Variants in EXOSC10 observed in about 807,000 individuals in gnomAD.
EXOSC10 encodes the protein exosome component 10.
A neutral mutation model predicts 126.6 loss-of-function variants in EXOSC10; 94 were observed. The ratio of observed to expected loss-of-function variants is 0.74; its 90% CI spans 0.63 to 0.88. The LOEUF (loss-of-function observed/expected upper bound fraction) is 0.88, where lower values mean the gene tolerates loss of function less well. EXOSC10 is among the 40% of genes least tolerant of loss of function. EXOSC10 has a pLI of 0.00. For missense variants in EXOSC10, 1,041 were observed against 1,100.5 expected, an observed-to-expected ratio of 0.95 and a Z score of 0.77; for synonymous variants, 395 against 400.8, an observed-to-expected ratio of 0.99 and a Z score of 0.17.
Position 11,076,939 on chromosome 1 carries a change from G to A in EXOSC10, c.1889C>T (p.Pro630Leu), listed in dbSNP as rs756900921. 20 of 1,613,184 alleles carry A rather than the reference G, an allele frequency of 1.2e-5. No individual in the cohort carries two copies. Among genetic ancestry groups the A allele is most frequent in the East Asian group, 2.2e-5 (1 of 44,898 alleles). ...YPIIPTSGSV[P>L]VQKQASLFPD... ...GAAGAGGCTCGCCTGCTTCTGAACT[G>A]GCACAGATCCTAGAGGAGCAGAAGA... is the stretch of plus-strand genomic sequence containing the variant. The change falls in exon 17 of 25, where the codon CCA (proline) becomes CTA (leucine). Residue 630 changes from proline (P) to leucine (L), a missense_variant. This residue lies in a region of EXOSC10 where 388 missense variants were observed against 415.2 expected (regional missense o/e 0.93). Transcript: ENST00000376936.
chr1:11,099,767 C>T lies in EXOSC10; in HGVS notation c.65G>A (p.Gly22Glu), dbSNP rs1235649896. The change falls in exon 1 of 25, where the codon GGA becomes GAA. Residue 22 changes from glycine to glutamate, a missense_variant. This residue lies in a region of EXOSC10 where 645 missense variants were observed against 656.3 expected (regional missense o/e 0.98). Coordinates refer to ENST00000376936, the MANE Select transcript of EXOSC10 (RefSeq NM_001001998.3). ...LSATSATKSD[G>E]EMVLPGFPDA... is the part of the protein sequence containing the mutation. Reference sequence around the variant, plus strand: ...CGGGAAGCCTGGCAGCACCATCTCTCCGTCGGATTTGGTTGCGCTGGTCGC... The same window carrying T: ...CGGGAAGCCTGGCAGCACCATCTCTTCGTCGGATTTGGTTGCGCTGGTCGC... The T allele has an allele frequency of 2.5e-6, 4 of 1,612,272 alleles. No individual in the cohort carries two copies. Among genetic ancestry groups the T allele is most frequent in the African/African-American group, 2.7e-5 (2 of 74,750 alleles).
In EXOSC10 at chr1:11,077,357, G is replaced by A. The variant is rs753213386; in HGVS notation, c.1879+8C>T. On this transcript the variant is annotated splice_region_variant and intron_variant, in intron 16 of 24. Transcript: ENST00000376936. ...CTTCGGGACAGTCAGGAGGGCTCTCGACTTTACCACTGGTTGGGATGATTG... is the reference window on the plus strand; with the variant it reads ...CTTCGGGACAGTCAGGAGGGCTCTCAACTTTACCACTGGTTGGGATGATTG... 8 of 1,607,040 alleles carry A rather than the reference G, an allele frequency of 5.0e-6. No individual in the cohort carries two copies. The highest frequency in any genetic ancestry group is 2.2e-5 in the East Asian group (1 of 44,702).
chr1:11,091,291 CATTT>C (rs1640791891), intron 4 of EXOSC10, 112 bp from the exon 5 acceptor site: 19 of 1,127,770 alleles, frequency 1.7e-5, no homozygotes, highest in Middle Eastern at 2.1e-4. Context: ...GTCATTCATT[CATTT>C]AAGAATGTAT....
intron 24 of EXOSC10, among the ~76,000 whole-genome samples, 158 bp downstream of exon 24, chr1:11,067,850 C>T (rs771865628): frequency 3.9e-5 from 6 of 152,020 alleles, no homozygotes; most frequent in South Asian, 2.1e-4. Flanking sequence ...CCTTGTTTTC[C>T]GAGTGGCGTG....
Position 11,077,391 on chromosome 1 carries a change from T to C in EXOSC10, c.1853A>G (p.Asp618Gly). The C allele has an allele frequency of 6.2e-7, 1 of 1,613,274 alleles. No individual in the cohort carries two copies. Among genetic ancestry groups the C allele is most frequent in the Non-Finnish European group, 8.5e-7 (1 of 1,179,384 alleles). ...GPHDCSHAPP[D>G]GYPIIPTSGS... Reference sequence around the variant, plus strand: ...ACTGGTTGGGATGATTGGATAGCCATCCGGAGGGGCATGGGAGCAGTCGTG... The same window carrying C: ...ACTGGTTGGGATGATTGGATAGCCACCCGGAGGGGCATGGGAGCAGTCGTG... Residue 618 changes from aspartate to glycine, a missense_variant, in exon 16 of 25, where the codon GAT (aspartate) becomes GGT (glycine). Asp to Gly is a moderately conservative substitution (Grantham distance 94). Transcript: ENST00000376936.
intron 9 of EXOSC10, 141 bp downstream of exon 9, chr1:11,087,307 T>C (rs1640548965): frequency 4.1e-6 from 4 of 983,012 alleles, no homozygotes; most frequent in Non-Finnish European, 6.2e-6. Context: ...ACAAAAGCCA[T>C]TTAGCACTGT....
At chr1:11,067,748 G>A (rs938083599) in intron 24 of EXOSC10, among the ~76,000 whole-genome samples, 8 of 152,122 alleles carry the variant, frequency 5.3e-5, no homozygotes, top group Non-Finnish European at 1.2e-4. Context: ...CAGGACACAC[G>A]GTAACTAGAG....
chr1:11,080,660 G>A (rs1378625346), intron 12 of EXOSC10, 104 bp downstream of exon 12: 8 of 1,601,656 alleles, frequency 5.0e-6, no homozygotes, highest in Admixed American at 1.7e-5. Flanking sequence ...GTCACATAGG[G>A]GAAATAACCA....
chr1:11,078,880 A>T (rs1442369018), intron 14 of EXOSC10, among the ~76,000 whole-genome samples: 2 of 152,208 alleles, frequency 1.3e-5, no homozygotes. Context: ...ATAAATAAAG[A>T]GTCTTAGCTC....
intron 10 of EXOSC10, 139 bp from the exon 11 acceptor site, chr1:11,081,377 A>G (rs1269650690): frequency 1.1e-6 from 1 of 891,122 alleles, no homozygotes; most frequent in Non-Finnish European, 1.7e-6. Context: ...AGTTATGCCA[A>G]CATTTCCTGC....
At chr1:11,073,877 C>CG (rs1639657569) in intron 19 of EXOSC10, 57 bp downstream of exon 19, 4 of 539,120 alleles carry the variant, frequency 7.4e-6, no homozygotes. Flanking sequence ...GACTCCATCT[C>CG]AAAAAAAAAA....
intron 6 of EXOSC10, among the ~76,000 whole-genome samples, chr1:11,089,467 A>T (rs1640679565): frequency 6.6e-6 from 1 of 151,232 alleles, no homozygotes; most frequent in Non-Finnish European, 1.5e-5. Context: ...AAAGATACAA[A>T]ATTAGCCAGG....
rs139322816 is a variant in EXOSC10 at position 11,090,571 on chromosome 1, C to T, written c.741G>A (p.Gln247=). The change falls in exon 6 of 25, where the codon CAG becomes CAA. Residue 247 remains glutamine (Q), a synonymous_variant. Coordinates refer to ENST00000376936, the MANE Select transcript of EXOSC10 (RefSeq NM_001001998.3). ...LADFIHQQRT[Q]QVEQDMFAHP... ...ACACTTACATGTCTTGCTCAACCTG[C>T]TGGGTTCTCTGCTGATGGATGAAAT... is the stretch of plus-strand genomic sequence containing the variant. The T allele has an allele frequency of 3.1e-6, 5 of 1,613,970 alleles. No homozygotes were observed. Among genetic ancestry groups the T allele is most frequent in the Non-Finnish European group, 1.7e-6 (2 of 1,179,976 alleles).
At chr1:11,070,625 C>G in intron 21 of EXOSC10, 1 of 383,074 alleles carries the variant, frequency 2.6e-6, no homozygotes, top group Admixed American at 4.2e-5. Flanking sequence ...CAAGCTTCAG[C>G]ACTGTAACCT....
intron 9 of EXOSC10, among the ~76,000 whole-genome samples, chr1:11,083,562 C>T (rs1477293527): frequency 1.5e-5 from 1 of 65,898 alleles, no homozygotes; most frequent in Non-Finnish European, 2.7e-5. Context: ...AACTCCGTCT[C>T]AAAAAAAAAA....
At chr1:11,096,471 CTTTTTTTT>C (rs70977546) in intron 2 of EXOSC10, among the ~76,000 whole-genome samples, 62 of 118,798 alleles carry the variant, frequency 5.2e-4, no homozygotes, top group African/African-American at 1.8e-3. Context: ...TTCTTTCTTT[CTTTTTTTT>C]TTTTTTTTTT....
At chr1:11,089,222 T>TTA (rs1294081238) in intron 6 of EXOSC10, among the ~76,000 whole-genome samples, 183 of 49,754 alleles carry the variant, frequency 3.7e-3, no homozygotes, top group African/African-American at 0.01. Context: ...AGAGCAAAAC[T>TTA]AAAAAAAAAA....
chr1:11,082,404 G>A (rs1208840148), intron 10 of EXOSC10: 2 of 536,066 alleles, frequency 3.7e-6, no homozygotes, highest in South Asian at 2.6e-5. Context: ...AAAGATCCCA[G>A]TTTCAAACAA....
At chr1:11,098,240 A>C in intron 1 of EXOSC10, 84 bp from the exon 2 acceptor site, 1 of 1,443,776 alleles carries the variant, frequency 6.9e-7, no homozygotes, top group Non-Finnish European at 9.2e-7. Flanking sequence ...ATCGTATACA[A>C]GGTATCTACT....
Sources: gnomAD v4.1 joint callset for allele counts (sites outside exome capture counted in the v4.1 genomes callset) on GRCh38, gnomAD v4.1.1 for gene constraint, gnomAD v4.1.1 regional missense constraint, MANE v1.5 for transcripts, NCBI Gene and HGNC (gene_info 2026-07-23, HGNC 2026-07-21) for gene names.